The following CPA3 variants were observed in gnomAD, a reference collection of about 807,000 sequenced individuals.
CPA3 encodes mast cell carboxypeptidase A.
A neutral mutation model predicts 55.8 loss-of-function variants in CPA3; 52 were observed. The observed-to-expected ratio is 0.93, with a 90% CI of 0.75 to 1.17. CPA3 has a LOEUF of 1.17. Ranked by LOEUF, CPA3 falls within the 50% of genes most tolerant of loss-of-function variation. The probability of loss-of-function intolerance (pLI) is 0.00; values close to 1 mark genes in which losing one functional copy is unlikely to be tolerated. For synonymous variants in CPA3, 179 were observed against 171.2 expected (o/e 1.05, Z -0.36); for missense variants, 547 against 509.1 (o/e 1.07, Z -0.72).
chr3:148,873,786 C>T (rs571120421), intron 3 of CPA3, among the ~76,000 whole-genome samples: 2 of 152,264 alleles, frequency 1.3e-5, no homozygotes, highest in Admixed American at 1.3e-4. Flanking sequence ...TTCATAAAAA[C>T]AAGAGCTGAT....
At chr3:148,875,318 T>C (rs752443635) in intron 3 of CPA3, among the ~76,000 whole-genome samples, 11 of 152,236 alleles carry the variant, frequency 7.2e-5, no homozygotes, top group Admixed American at 2.0e-4. Context: ...AGAAATGAGA[T>C]AAGCCAAATA....
At chr3:148,870,535 A>G (rs962404642) in intron 3 of CPA3, among the ~76,000 whole-genome samples, 1 of 152,172 alleles carries the variant, frequency 6.6e-6, no homozygotes, top group African/African-American at 2.4e-5. Context: ...ATTATTTGTG[A>G]TGGTTATTGA....
At chr3:148,879,596 A>AT (rs1212988657) in intron 5 of CPA3, among the ~76,000 whole-genome samples, 192 bp from the exon 6 acceptor site, 4 of 152,208 alleles carry the variant, frequency 2.6e-5, no homozygotes, top group Non-Finnish European at 5.9e-5. Flanking sequence ...ATTGTAATAG[A>AT]TTATGAATTA....
intron 3 of CPA3, among the ~76,000 whole-genome samples, chr3:148,877,294 G>A (rs991892775): frequency 2.0e-5 from 3 of 152,164 alleles, no homozygotes; most frequent in East Asian, 3.9e-4. Flanking sequence ...TCAGGAGTTC[G>A]AGGCCAGCCT....
intron 2 of CPA3, among the ~76,000 whole-genome samples, chr3:148,865,877 C>T (rs1387962320): frequency 2.0e-5 from 3 of 152,164 alleles, no homozygotes; most frequent in Non-Finnish European, 4.4e-5. Flanking sequence ...TCCATTCTCC[C>T]CACTCCGACC....
Position 148,878,733 on chromosome 3 carries a change from A to G in CPA3, c.459A>G (p.Pro153=), listed in dbSNP as rs377284175. The part of the protein sequence containing the change: ...IKIGSTVEDN[P]LYVLKIGEKN... ...TTGGATCTACTGTTGAAGATAATCCACTATATGTTCTGAAGGTAAAAATAA... is the reference window on the plus strand; with the variant it reads ...TTGGATCTACTGTTGAAGATAATCCGCTATATGTTCTGAAGGTAAAAATAA... Residue 153 remains proline, a synonymous_variant, in exon 5 of 11, where the codon CCA becomes CCG. Coordinates refer to ENST00000296046, the MANE Select transcript of CPA3 (RefSeq NM_001870.4). 1 of 1,588,112 alleles carries G rather than the reference A, an allele frequency of 6.3e-7. No homozygotes were observed. The highest frequency in any genetic ancestry group is 1.3e-5 in the African/African-American group (1 of 74,228).
chr3:148,893,904 T>C (rs967701435), intron 10 of CPA3, among the ~76,000 whole-genome samples: 1 of 152,168 alleles, frequency 6.6e-6, no homozygotes, highest in African/African-American at 2.4e-5. Flanking sequence ...CAACCCTAAA[T>C]TCAATAAATT....
intron 5 of CPA3, 73 bp downstream of exon 5, chr3:148,878,821 C>T (rs1714283256): frequency 1.2e-6 from 1 of 862,198 alleles, no homozygotes; most frequent in South Asian, 1.6e-5. Flanking sequence ...CTTTGTAACA[C>T]AACTAAGCTA....
chr3:148,866,998 C>T (rs1195259398), intron 2 of CPA3, among the ~76,000 whole-genome samples: 1 of 152,180 alleles, frequency 6.6e-6, no homozygotes, highest in East Asian at 1.9e-4. Context: ...TCAAGTGATC[C>T]ACCCGCCTCA....
intron 10 of CPA3, among the ~76,000 whole-genome samples, chr3:148,894,467 C>CA (rs11338734): frequency 7.5e-5 from 11 of 146,984 alleles, no homozygotes; most frequent in African/African-American, 1.3e-4. Context: ...ACAGAAAGAA[C>CA]AAAAAAAAAA....
intron 10 of CPA3, among the ~76,000 whole-genome samples, chr3:148,888,295 C>T (rs1559970892): frequency 6.6e-6 from 1 of 152,200 alleles, no homozygotes; most frequent in Admixed American, 6.5e-5. Flanking sequence ...TTTGGCAGAA[C>T]TGGAAAATGA....
chr3:148,886,075 A>G lies in CPA3; in HGVS notation c.982-18A>G, dbSNP rs1200896717. ...CACAGTATCCTATTATTTCACTCTA[A>G]CTTTCCTTTCTCTCCAGGCCAAAGT... On this transcript the variant is annotated intron_variant, in intron 9 of 10. Transcript: ENST00000296046. 2.5e-6 allele frequency: 4 copies of G among 1,577,470 alleles called. No individual in the cohort carries two copies. Among genetic ancestry groups the G allele is most frequent in the Non-Finnish European group, 3.5e-6 (4 of 1,148,220 alleles).
intron 9 of CPA3, 44 bp from the exon 10 acceptor site, chr3:148,886,049 A>AC: frequency 7.5e-7 from 1 of 1,329,078 alleles, no homozygotes; most frequent in Non-Finnish European, 1.1e-6. Context: ...CTTGGTATTT[A>AC]CACAGTATCC....
rs576158696 is a variant in CPA3 at position 148,891,163 on chromosome 3, A to G, written c.1066+4986A>G. On this transcript the variant is annotated intron_variant, in intron 10 of 10. Coordinates refer to ENST00000296046, the MANE Select transcript of CPA3 (RefSeq NM_001870.4). The stretch of plus-strand genomic sequence containing the variant: ...CGGTAAAATGGTAATTGTTACTTAC[A>G]TTTGGGATAGGAATTAATTAAATGA... 2.2e-4 allele frequency among the ~76,000 whole-genome samples: 33 copies of G among 152,318 alleles called. No individual in the cohort carries two copies. The South Asian group carries it at 6.4e-3, about 30-fold the overall frequency.
chr3:148,886,168 T>C lies in CPA3; in HGVS notation c.1057T>C (p.Ser353Pro). The C allele has an allele frequency of 6.2e-7, 1 of 1,607,570 alleles. No homozygotes were observed. Among genetic ancestry groups the C allele is most frequent in the Non-Finnish European group, 8.5e-7 (1 of 1,175,084 alleles). ...CCGCTACATCTATGGCCCAATAGAA[T>C]CAACAATTTGTAAGTCATTCCTCTT... Reference protein sequence around the residue: ...ETRYIYGPIESTIYPISGSSL... With the variant: ...ETRYIYGPIEPTIYPISGSSL... Residue 353 changes from serine to proline, a missense_variant, in exon 10 of 11, where the codon TCA becomes CCA. Ser to Pro is a moderately conservative substitution (Grantham distance 74). Transcript: ENST00000296046.
intron 9 of CPA3, among the ~76,000 whole-genome samples, chr3:148,884,053 T>C (rs1277826312): frequency 6.6e-6 from 1 of 151,924 alleles, no homozygotes; most frequent in Admixed American, 6.6e-5. Context: ...CAGGAAGAAA[T>C]GTCTAGGAAA....
intron 6 of CPA3, 87 bp from the exon 7 acceptor site, chr3:148,881,435 A>C: frequency 1.4e-6 from 1 of 710,798 alleles, no homozygotes; most frequent in Non-Finnish European, 2.4e-6. Context: ...TTGGGAAGTG[A>C]CTCAAGTTAT....
At chr3:148,867,158 C>A (rs1190328809) in intron 2 of CPA3, among the ~76,000 whole-genome samples, 2 of 152,216 alleles carry the variant, frequency 1.3e-5, no homozygotes, top group African/African-American at 4.8e-5. Context: ...CTTCCACACC[C>A]TTCAAGCCCC....
chr3:148,884,888 A>G (rs1714486508), intron 9 of CPA3, among the ~76,000 whole-genome samples: 1 of 151,738 alleles, frequency 6.6e-6, no homozygotes, highest in African/African-American at 2.4e-5. Flanking sequence ...AACCACTTTG[A>G]GTAAAATGAG....
Sources: allele counts gnomAD v4.1 joint callset (sites outside exome capture counted in the v4.1 genomes callset), GRCh38; gene constraint gnomAD v4.1.1; transcripts MANE v1.5; gene names NCBI Gene and HGNC (gene_info 2026-07-23, HGNC 2026-07-21).